Variants in SLC35F1 observed in about 807,000 individuals in gnomAD.
The protein encoded by SLC35F1 is solute carrier family 35 member F1.
SLC35F1 carries 14 observed loss-of-function variants against 48.7 expected under a neutral mutation model. That is an observed-to-expected ratio of 0.29 (90% CI 0.19 to 0.45). SLC35F1 has a LOEUF of 0.45. Among genes scored for constraint, SLC35F1 ranks in the 20% least tolerant of loss-of-function variants. The pLI is 1.00. For synonymous variants in SLC35F1, 190 were observed against 202.2 expected (o/e 0.94, Z 0.51); for missense variants, 404 against 500.0 (o/e 0.81, Z 1.83).
intron 1 of SLC35F1, among the ~76,000 whole-genome samples, chr6:118,094,215 C>A (rs1773116682): frequency 6.6e-6 from 1 of 152,128 alleles, no homozygotes; most frequent in Non-Finnish European, 1.5e-5. Context: ...GAAGATGGAA[C>A]TCAGGGCACA....
intron 1 of SLC35F1, among the ~76,000 whole-genome samples, chr6:117,948,068 T>C (rs1364671097): frequency 6.6e-6 from 1 of 152,194 alleles, no homozygotes; most frequent in Non-Finnish European, 1.5e-5. Flanking sequence ...ATGTTTCAAA[T>C]TTCTTTTCAT....
At chr6:118,036,399 T>C (rs902835542) in intron 1 of SLC35F1, among the ~76,000 whole-genome samples, 3 of 152,204 alleles carry the variant, frequency 2.0e-5, no homozygotes, top group Non-Finnish European at 4.4e-5. Flanking sequence ...ATTTTGATCC[T>C]TTTAAATTTC....
chr6:117,972,671 C>T (rs776928992), intron 1 of SLC35F1, among the ~76,000 whole-genome samples: 17 of 152,134 alleles, frequency 1.1e-4, no homozygotes, highest in African/African-American at 4.1e-4. Context: ...ACCATCAGAT[C>T]TCATAAGACT....
intron 1 of SLC35F1, among the ~76,000 whole-genome samples, chr6:118,141,716 C>T (rs180935968): frequency 6.6e-6 from 1 of 152,268 alleles, no homozygotes; most frequent in Non-Finnish European, 1.5e-5. Flanking sequence ...AATACCACCA[C>T]ATTGTGGGGG....
intron 2 of SLC35F1, among the ~76,000 whole-genome samples, chr6:118,199,657 C>A (rs147381127): frequency 1.3e-5 from 2 of 152,156 alleles, no homozygotes; most frequent in African/African-American, 2.4e-5. Context: ...AGTAAATTCA[C>A]ATATGGTTGC....
At chr6:118,294,252 T>C (rs1247956303) in intron 7 of SLC35F1, among the ~76,000 whole-genome samples, 1 of 152,246 alleles carries the variant, frequency 6.6e-6, no homozygotes, top group Non-Finnish European at 1.5e-5. Context: ...TGGGGTCTCA[T>C]GCATAAAAAT....
chr6:118,041,882 A>G (rs542693558), intron 1 of SLC35F1, among the ~76,000 whole-genome samples: 1 of 152,150 alleles, frequency 6.6e-6, no homozygotes, highest in African/African-American at 2.4e-5. Context: ...GACCTTATCT[A>G]CTGGATGAGG....
intron 7 of SLC35F1, among the ~76,000 whole-genome samples, chr6:118,310,478 T>C (rs1351806721): frequency 6.6e-6 from 1 of 152,188 alleles, no homozygotes; most frequent in Non-Finnish European, 1.5e-5. Flanking sequence ...TTTTTCTTAA[T>C]TAAACTAAAA....
chr6:118,047,236 A>T (rs1201312104), intron 1 of SLC35F1, among the ~76,000 whole-genome samples: 1 of 152,082 alleles, frequency 6.6e-6, no homozygotes, highest in Non-Finnish European at 1.5e-5. Flanking sequence ...GGATGTGGCA[A>T]TTTTTATTCT....
intron 1 of SLC35F1, among the ~76,000 whole-genome samples, chr6:117,938,492 A>C (rs1776187589): frequency 6.6e-6 from 1 of 152,116 alleles, no homozygotes; most frequent in Non-Finnish European, 1.5e-5. Context: ...CTGCCTCCTC[A>C]TGCATTCTCT....
intron 1 of SLC35F1, among the ~76,000 whole-genome samples, chr6:118,040,235 C>A (rs1772194357): frequency 6.6e-6 from 1 of 152,268 alleles, no homozygotes; most frequent in Middle Eastern, 3.4e-3. Flanking sequence ...GTTTTAGCTA[C>A]CTACACTGTA....
At chr6:118,103,261 A>T (rs369793284) in intron 1 of SLC35F1, among the ~76,000 whole-genome samples, 7 of 151,862 alleles carry the variant, frequency 4.6e-5, no homozygotes, top group Middle Eastern at 3.2e-3. Flanking sequence ...ACATTTATTT[A>T]TTTTTTTAAA....
At chr6:118,049,500 A>T (rs1772352493) in intron 1 of SLC35F1, among the ~76,000 whole-genome samples, 1 of 152,084 alleles carries the variant, frequency 6.6e-6, no homozygotes, top group Non-Finnish European at 1.5e-5. Context: ...TCTACAATGA[A>T]CTCAAACAAA....
At chr6:118,058,222 T>C (rs1772489403) in intron 1 of SLC35F1, among the ~76,000 whole-genome samples, 2 of 152,174 alleles carry the variant, frequency 1.3e-5, no homozygotes, top group Admixed American at 1.3e-4. Context: ...TTTAAGCGAC[T>C]ATGGTAAAAA....
intron 2 of SLC35F1, among the ~76,000 whole-genome samples, chr6:118,181,802 A>G (rs1344733042): frequency 6.6e-6 from 1 of 152,150 alleles, no homozygotes; most frequent in African/African-American, 2.4e-5. Flanking sequence ...GATATATTCG[A>G]TATAAACTTT....
intron 6 of SLC35F1, among the ~76,000 whole-genome samples, chr6:118,280,239 A>C (rs1055290950): frequency 6.6e-6 from 1 of 152,304 alleles, no homozygotes; most frequent in South Asian, 2.1e-4. Context: ...GGGGAGCAGG[A>C]ATGTTAGAGT....
At chr6:118,295,216 G>C (rs1323477780) in intron 7 of SLC35F1, among the ~76,000 whole-genome samples, 1 of 151,890 alleles carries the variant, frequency 6.6e-6, no homozygotes, top group Admixed American at 6.6e-5. Flanking sequence ...TGGACCTGAG[G>C]TCATTATAAT....
chr6:117,924,458 G>A (rs1775994847), intron 1 of SLC35F1, among the ~76,000 whole-genome samples: 1 of 150,310 alleles, frequency 6.7e-6, no homozygotes, highest in African/African-American at 2.5e-5. Context: ...ATACCTATAT[G>A]TGTGTACATA....
intron 1 of SLC35F1, among the ~76,000 whole-genome samples, chr6:117,959,422 T>A (rs1055973804): frequency 6.6e-6 from 1 of 152,190 alleles, no homozygotes; most frequent in African/African-American, 2.4e-5. Context: ...GAGACTTCCA[T>A]GTTACAAGGG....
Sources: gnomAD v4.1 joint callset for allele counts (sites outside exome capture counted in the v4.1 genomes callset) on GRCh38, gnomAD v4.1.1 for gene constraint, MANE v1.5 for transcripts, NCBI Gene and HGNC (gene_info 2026-07-23, HGNC 2026-07-21) for gene names.